MAST4: variants seen among roughly 807,000 people sequenced by gnomAD.
MAST4 encodes microtubule-associated serine/threonine-protein kinase 4.
In MAST4, 89 loss-of-function variants were observed where a neutral mutation model predicts 162.7. That is an observed-to-expected ratio of 0.55 (90% CI 0.46 to 0.65). MAST4 has a LOEUF of 0.65. MAST4 is among the 30% of genes least tolerant of loss of function. The pLI is 0.00. For synonymous variants in MAST4, 1,479 were observed against 1,361.1 expected (o/e 1.09, Z -1.91); for missense variants, 3,153 against 3,374.0 (o/e 0.93, Z 1.62).
intron 3 of MAST4, among the ~76,000 whole-genome samples, chr5:66,854,875 C>T (rs1349335510): frequency 6.6e-6 from 1 of 151,882 alleles, no homozygotes. Context: ...AAGCAGTCAC[C>T]CTTTCCTCAG....
intron 1 of MAST4, among the ~76,000 whole-genome samples, chr5:66,753,767 T>C (rs1362701336): frequency 6.7e-6 from 1 of 149,352 alleles, no homozygotes; most frequent in Non-Finnish European, 1.5e-5. Flanking sequence ...TTCCAATCAA[T>C]AGAAAAAGAG....
intron 1 of MAST4, among the ~76,000 whole-genome samples, chr5:66,651,897 A>G (rs1446425978): frequency 6.6e-6 from 1 of 152,186 alleles, no homozygotes; most frequent in Non-Finnish European, 1.5e-5. Context: ...GTTCTGTGCT[A>G]TGTGGACCTC....
intron 4 of MAST4, among the ~76,000 whole-genome samples, chr5:67,037,361 C>T (rs1561560780): frequency 6.6e-6 from 1 of 152,122 alleles, no homozygotes; most frequent in Non-Finnish European, 1.5e-5. Flanking sequence ...TTTGAAATGC[C>T]CTCTTTTCCC....
chr5:67,164,852 G>A lies in MAST4; in HGVS notation c.5673G>A (p.Leu1891=). ...TCCAGAATTCACCAGCAGTTTCCCT[G>A]CCTGACCCAGAGTTCAAGAGGGACA... ...RGLQNSPAVS[L]PDPEFKRDRK... is the part of the protein sequence containing the mutation. Residue 1891 remains leucine, a synonymous_variant, in exon 29 of 29, where the codon CTG becomes CTA. Transcript: ENST00000403625. This position sits in a 1 kb window ranked among gnomAD's most constrained non-coding sequence, Gnocchi z 5.3. 1 of 1,613,998 alleles carries A rather than the reference G, an allele frequency of 6.2e-7. No homozygotes were observed. The highest frequency in any genetic ancestry group is 2.2e-5 in the East Asian group (1 of 44,868).
intron 1 of MAST4, among the ~76,000 whole-genome samples, chr5:66,730,602 C>T (rs1469008896): frequency 6.6e-6 from 1 of 152,130 alleles, no homozygotes; most frequent in Non-Finnish European, 1.5e-5. Flanking sequence ...AGATTCTGAA[C>T]AGTAGTTAAG....
At chr5:66,684,941 C>A (rs6449832) in intron 1 of MAST4, among the ~76,000 whole-genome samples, 114,746 of 152,044 alleles carry the variant, frequency 0.75, 44,512 homozygotes, top group African/African-American at 0.92. Context: ...GAACAAATGG[C>A]TATGGGGTTG....
chr5:66,778,466 A>G (rs1754704263), intron 2 of MAST4, among the ~76,000 whole-genome samples: 1 of 152,158 alleles, frequency 6.6e-6, no homozygotes, highest in Admixed American at 6.5e-5. Flanking sequence ...GCTTTATTGC[A>G]TGCATTAATT....
chr5:66,817,399 A>G (rs1756783862), intron 3 of MAST4, among the ~76,000 whole-genome samples: 2 of 152,164 alleles, frequency 1.3e-5, no homozygotes, highest in Admixed American at 6.5e-5. Flanking sequence ...TATAAAATTA[A>G]AGAAGAATAT....
chr5:67,045,007 A>AGTAG (rs1757199814), intron 4 of MAST4, among the ~76,000 whole-genome samples: 1 of 152,158 alleles, frequency 6.6e-6, no homozygotes, highest in Non-Finnish European at 1.5e-5. Context: ...GCCTTGATCA[A>AGTAG]TCCAGTAGTA....
intron 1 of MAST4, among the ~76,000 whole-genome samples, chr5:66,646,197 A>T (rs1252742608): frequency 1.3e-5 from 2 of 152,174 alleles, no homozygotes; most frequent in Non-Finnish European, 2.9e-5. Flanking sequence ...TCAATCAGAT[A>T]TCAGGATTAG....
At chr5:66,667,592 C>G (rs117061115) in intron 1 of MAST4, among the ~76,000 whole-genome samples, 15 of 152,190 alleles carry the variant, frequency 9.9e-5, no homozygotes, top group Non-Finnish European at 1.5e-5. Context: ...CATAGTTGGT[C>G]GCCAATTCTC....
At position 67,164,423 on chromosome 5, in the gene MAST4, T is replaced by C; in HGVS notation, c.5244T>C (p.Ala1748=). ...SRAFVSSTHA[A]QMSAVSFVPL... is the part of the protein sequence containing the mutation. ...CTTTTGTCAGCAGCACCCATGCAGC[T>C]CAGATGAGTGCCGTCTCTTTTGTTC... is the stretch of plus-strand genomic sequence containing the variant. The change falls in exon 29 of 29, where the codon GCT becomes GCC. Residue 1748 remains alanine, a synonymous_variant. Coordinates refer to ENST00000403625, the MANE Select transcript of MAST4 (RefSeq NM_001164664.2). This position sits in a 1 kb window ranked among gnomAD's most constrained non-coding sequence, Gnocchi z 5.3. 1 of 1,613,962 alleles carries C rather than the reference T, an allele frequency of 6.2e-7. No individual in the cohort carries two copies. Among genetic ancestry groups the C allele is most frequent in the Non-Finnish European group, 8.5e-7 (1 of 1,179,884 alleles).
intron 3 of MAST4, among the ~76,000 whole-genome samples, chr5:66,849,636 A>ACTG (rs1404110802): frequency 6.6e-6 from 1 of 152,150 alleles, no homozygotes; most frequent in African/African-American, 2.4e-5. Flanking sequence ...TCTGGTGAGA[A>ACTG]TCTGTGGAAC....
chr5:67,003,746 T>A (rs1209109521), intron 4 of MAST4: 1 of 152,220 alleles, frequency 6.6e-6, no homozygotes, highest in African/African-American at 2.4e-5. Flanking sequence ...CCCTTCATTC[T>A]GCCCTTTCAA....
intron 19 of MAST4, among the ~76,000 whole-genome samples, chr5:67,141,440 C>T (rs182237612): frequency 1.3e-5 from 2 of 152,202 alleles, no homozygotes; most frequent in African/African-American, 4.8e-5. Flanking sequence ...CCTTTAAAAT[C>T]GCTCTTTAAA....
intron 23 of MAST4, among the ~76,000 whole-genome samples, chr5:67,146,036 T>G (rs1328258323): frequency 1.3e-5 from 2 of 152,172 alleles, no homozygotes; most frequent in Non-Finnish European, 2.9e-5. Context: ...TGATTTAAAT[T>G]GATAGTTTAC....
intron 4 of MAST4, among the ~76,000 whole-genome samples, chr5:66,919,660 GAAA>G (rs56802433): frequency 7.2e-5 from 7 of 96,926 alleles, no homozygotes; most frequent in African/African-American, 1.5e-4. Flanking sequence ...CTCCGTCACA[GAAA>G]AAAAAAAAAA....
intron 1 of MAST4, among the ~76,000 whole-genome samples, chr5:66,645,509 G>A (rs1013557214): frequency 6.6e-5 from 10 of 152,158 alleles, no homozygotes; most frequent in Admixed American, 2.0e-4. Flanking sequence ...GTGTTAGAAA[G>A]TTGAAAGTTG....
rs959518504 is a variant in MAST4, at chr5:67,168,223, T to C, written c.*1172T>C. ...ATTTTAATACATAGCTGGGGCCTTA[T>C]GTTGTAGATGAAGCTTGCTGTTTTT... On this transcript the variant is annotated 3_prime_UTR_variant, in exon 29 of 29. Transcript: ENST00000403625. 2.0e-5 allele frequency: 3 copies of C among 152,134 alleles called. No homozygotes were observed. Among genetic ancestry groups the C allele is most frequent in the African/African-American group, 7.2e-5 (3 of 41,414 alleles). The allele number at this position is 152,134 out of a possible 1,614,324, so 9.4% of individuals were successfully genotyped here. A position where few individuals can be genotyped will look rare whatever the true frequency, so the allele number is the denominator to read the frequency against.
Sources: gnomAD v4.1 joint callset for allele counts (sites outside exome capture counted in the v4.1 genomes callset) on GRCh38, gnomAD v4.1.1 for gene constraint, Gnocchi (gnomAD v3.1) non-coding constraint, MANE v1.5 for transcripts, NCBI Gene and HGNC (gene_info 2026-07-23, HGNC 2026-07-21) for gene names.